ADCY1: variants seen among roughly 807,000 people sequenced by gnomAD.
The protein encoded by ADCY1 is adenylate cyclase type 1.
A neutral mutation model predicts 105.4 loss-of-function variants in ADCY1; 28 were observed. The ratio of observed to expected loss-of-function variants is 0.27; its 90% CI spans 0.20 to 0.36. The LOEUF (loss-of-function observed/expected upper bound fraction) is 0.36. ADCY1 is among the 10% of genes least tolerant of loss of function. The pLI, the probability that ADCY1 is intolerant of heterozygous loss-of-function variation, is 1.00. For synonymous variants in ADCY1, 655 were observed against 623.8 expected, an observed-to-expected ratio of 1.05 and a Z score of -0.75; for missense variants, 977 against 1,434.2, an observed-to-expected ratio of 0.68 and a Z score of 5.15.
intron 8 of ADCY1, among the ~76,000 whole-genome samples, chr7:45,677,209 C>T (rs1368651660): frequency 2.0e-5 from 3 of 152,166 alleles, no homozygotes; most frequent in Non-Finnish European, 2.9e-5. Context: ...TTCATTTCAT[C>T]TTTTCTGGAA....
At chr7:45,709,234 G>A (rs1379354753) in intron 18 of ADCY1, among the ~76,000 whole-genome samples, 6 of 152,330 alleles carry the variant, frequency 3.9e-5, no homozygotes, top group Admixed American at 3.3e-4. Context: ...GGGGCAGAGT[G>A]AGCCAGCTGG....
At chr7:45,695,114 C>T (rs529791903) in intron 14 of ADCY1, among the ~76,000 whole-genome samples, 8 of 152,364 alleles carry the variant, frequency 5.3e-5, no homozygotes, top group African/African-American at 1.9e-4. Flanking sequence ...TGGAAACTCT[C>T]CCAGCAGTAT....
intron 3 of ADCY1, among the ~76,000 whole-genome samples, chr7:45,622,223 A>C (rs1196346044): frequency 6.6e-6 from 1 of 152,072 alleles, no homozygotes; most frequent in Non-Finnish European, 1.5e-5. Flanking sequence ...AGAAGGGGAA[A>C]ATTAGGATGT....
chr7:45,685,086 G>T lies in ADCY1; in HGVS notation c.2073+18G>T. Reference sequence around the variant, plus strand: ...GTTGTGTGGTGAGCATCTCCAGCTTGTGGCATGCGCTGGGGCGGGAGAGGG... The same window carrying T: ...GTTGTGTGGTGAGCATCTCCAGCTTTTGGCATGCGCTGGGGCGGGAGAGGG... On this transcript the variant is annotated intron_variant, in intron 12 of 19. Coordinates refer to ENST00000297323, the MANE Select transcript of ADCY1 (RefSeq NM_021116.4). The T allele has an allele frequency of 6.2e-7, 1 of 1,607,968 alleles. No individual in the cohort carries two copies. Among genetic ancestry groups the T allele is most frequent in the Non-Finnish European group, 8.5e-7 (1 of 1,174,356 alleles).
chr7:45,598,784 A>G (rs909662713), intron 2 of ADCY1, among the ~76,000 whole-genome samples: 1 of 152,242 alleles, frequency 6.6e-6, no homozygotes. Flanking sequence ...CGCGATTGCA[A>G]TTTGATCAGT....
At chr7:45,659,896 C>A in intron 6 of ADCY1, 146 bp from the exon 7 acceptor site, 1 of 1,015,988 alleles carries the variant, frequency 9.8e-7, no homozygotes, top group Non-Finnish European at 1.4e-6. Flanking sequence ...CATGGACGGA[C>A]TTGCATGGGA....
At chr7:45,611,640 T>G (rs1793596627) in intron 3 of ADCY1, among the ~76,000 whole-genome samples, 1 of 151,148 alleles carries the variant, frequency 6.6e-6, no homozygotes, top group African/African-American at 2.4e-5. Flanking sequence ...TTTGCTTGTT[T>G]TTTTTTTTTT....
At chr7:45,667,244 A>G (rs1416751897) in intron 8 of ADCY1, among the ~76,000 whole-genome samples, 5 of 152,070 alleles carry the variant, frequency 3.3e-5, no homozygotes, top group Non-Finnish European at 7.4e-5. Flanking sequence ...TTTTCTTCTA[A>G]GGTTTTTATG....
chr7:45,594,467 A>C (rs2115787908), intron 2 of ADCY1, among the ~76,000 whole-genome samples: 1 of 152,264 alleles, frequency 6.6e-6, no homozygotes, highest in South Asian at 2.1e-4. Flanking sequence ...GAGAAGGCAA[A>C]GGCTCTTTTT....
At position 45,583,950 on chromosome 7, in the gene ADCY1, T is replaced by G. The variant is rs13223806; in HGVS notation, c.639+8768T>G. 1.5e-3 allele frequency among the ~76,000 whole-genome samples: 125 copies of G among 85,710 alleles called. 1 individual carries two copies. The highest frequency in any genetic ancestry group is 1.8e-3 in the African/African-American group (55 of 30,104). 56.2% of individuals were successfully genotyped at this position (85,710 alleles called of 152,430 possible). ...CCACTGTGCCCTGTTTTTTTTTTTT[T>G]TTTTTTTTTTTTTTTCAGACAAAGT... On this transcript the variant is annotated intron_variant, in intron 1 of 19. Coordinates refer to ENST00000297323, the MANE Select transcript of ADCY1 (RefSeq NM_021116.4).
At chr7:45,681,748 G>C (rs1412564882) in intron 11 of ADCY1, among the ~76,000 whole-genome samples, 1 of 152,222 alleles carries the variant, frequency 6.6e-6, no homozygotes, top group Admixed American at 6.5e-5. Context: ...TGTGGGAATG[G>C]AGGTGAGGGA....
Position 45,710,672 on chromosome 7 carries a change from C to G in ADCY1, c.3057+20C>G, listed in dbSNP as rs1333034937. The G allele has an allele frequency of 2.5e-6, 4 of 1,603,006 alleles. No homozygotes were observed. The highest frequency in any genetic ancestry group is 3.4e-6 in the Non-Finnish European group (4 of 1,174,984). On this transcript the variant is annotated intron_variant, in intron 19 of 19. Coordinates refer to ENST00000297323, the MANE Select transcript of ADCY1 (RefSeq NM_021116.4). This position sits in a 1 kb window ranked among gnomAD's most constrained non-coding sequence, Gnocchi z 4.7. ...ATCCAGGTCAGTTCACCAAGAAACC[C>G]CTAAGGCATGGGTGCCCATTCTTCA...
intron 3 of ADCY1, among the ~76,000 whole-genome samples, chr7:45,610,747 A>AAGGGG (rs1562686928): frequency 2.3e-5 from 3 of 128,242 alleles, no homozygotes; most frequent in African/African-American, 5.8e-5. Context: ...TGGGGAGGTG[A>AAGGGG]TGATGGAGGT....
chr7:45,712,134 A>G (rs1785270225), intron 19 of ADCY1, among the ~76,000 whole-genome samples: 1 of 138,260 alleles, frequency 7.2e-6, no homozygotes, highest in African/African-American at 2.7e-5. Context: ...TATATTTAAA[A>G]TTTTTATTTT....
chr7:45,645,890 G>A (rs975350043), intron 4 of ADCY1, among the ~76,000 whole-genome samples: 1 of 151,948 alleles, frequency 6.6e-6, no homozygotes. Context: ...GGCTCCCAGA[G>A]GGGTCTTGAG....
chr7:45,709,789 C>T (rs1785189063), intron 18 of ADCY1, among the ~76,000 whole-genome samples: 1 of 152,228 alleles, frequency 6.6e-6, no homozygotes, highest in Non-Finnish European at 1.5e-5. Flanking sequence ...ATGCTTGGTC[C>T]CCCTCTGTCC....
chr7:45,632,478 A>C (rs1422221758), intron 4 of ADCY1, among the ~76,000 whole-genome samples: 2 of 151,314 alleles, frequency 1.3e-5, no homozygotes, highest in Non-Finnish European at 3.0e-5. Context: ...AGATTTATTT[A>C]GATATTCTTT....
chr7:45,649,635 GC>G (rs1794757380), intron 5 of ADCY1, among the ~76,000 whole-genome samples: 1 of 152,238 alleles, frequency 6.6e-6, no homozygotes. Flanking sequence ...GGCTCCCTTT[GC>G]CCCATCACTG....
At chr7:45,651,184 GCTCT>G in intron 5 of ADCY1, among the ~76,000 whole-genome samples, 1 of 152,218 alleles carries the variant, frequency 6.6e-6, no homozygotes, top group Admixed American at 6.5e-5. Context: ...CAGCTTCCTG[GCTCT>G]GGACCGGAAG....
Sources: gnomAD v4.1 joint callset for allele counts (sites outside exome capture counted in the v4.1 genomes callset) on GRCh38, gnomAD v4.1.1 for gene constraint, Gnocchi (gnomAD v3.1) non-coding constraint, MANE v1.5 for transcripts, NCBI Gene and HGNC (gene_info 2026-07-23, HGNC 2026-07-21) for gene names.